STK39: variants seen among roughly 807,000 people sequenced by gnomAD.
STK39 encodes STE20/SPS1-related proline-alanine-rich protein kinase.
A neutral mutation model predicts 77.8 loss-of-function variants in STK39; 20 were observed. The observed-to-expected ratio is 0.26, with a 90% CI of 0.18 to 0.37. The LOEUF is 0.37. STK39 is among the 10% of genes least tolerant of loss of function. STK39 has a pLI of 1.00. For synonymous variants in STK39, 246 were observed against 234.1 expected, an observed-to-expected ratio of 1.05 and a Z score of -0.47; for missense variants, 479 against 656.5, an observed-to-expected ratio of 0.73 and a Z score of 2.95.
chr2:168,089,336 G>A (rs555544593), intron 10 of STK39, among the ~76,000 whole-genome samples: 6 of 152,168 alleles, frequency 3.9e-5, no homozygotes, highest in Non-Finnish European at 8.8e-5. Flanking sequence ...AGTCAAAACA[G>A]AAGTATCTAA....
intron 10 of STK39, among the ~76,000 whole-genome samples, chr2:168,088,443 T>C (rs890824796): frequency 2.0e-5 from 3 of 152,236 alleles, no homozygotes; most frequent in Admixed American, 1.3e-4. Context: ...ATACATGATA[T>C]GCCTCTTCCA....
At chr2:168,120,934 G>A (rs1206531477) in intron 10 of STK39, among the ~76,000 whole-genome samples, 1 of 152,150 alleles carries the variant, frequency 6.6e-6, no homozygotes, top group African/African-American at 2.4e-5. Context: ...AAACTTCCCA[G>A]ATTCCTGCAA....
chr2:168,098,305 A>T (rs4667556), intron 10 of STK39, among the ~76,000 whole-genome samples: 4 of 152,058 alleles, frequency 2.6e-5, no homozygotes, highest in Non-Finnish European at 5.9e-5. Context: ...CAGCACAATC[A>T]TTTTATACTA....
chr2:168,174,794 C>T (rs1407779826), intron 2 of STK39, among the ~76,000 whole-genome samples: 1 of 144,012 alleles, frequency 6.9e-6, no homozygotes, highest in Non-Finnish European at 1.5e-5. Flanking sequence ...CCCAGGAGTT[C>T]GAGGGCAGCC....
intron 5 of STK39, among the ~76,000 whole-genome samples, chr2:168,144,078 G>A (rs1182620537): frequency 6.6e-6 from 1 of 152,176 alleles, no homozygotes; most frequent in Non-Finnish European, 1.5e-5. Flanking sequence ...TCATGGTCTA[G>A]TTTTGATGTG....
At chr2:168,132,844 T>A (rs1401377316) in intron 8 of STK39, among the ~76,000 whole-genome samples, 7 of 152,168 alleles carry the variant, frequency 4.6e-5, no homozygotes, top group African/African-American at 7.2e-5. Flanking sequence ...TTCCAATACC[T>A]AGCACAGAAC....
intron 10 of STK39, among the ~76,000 whole-genome samples, chr2:168,113,991 T>C (rs13432160): frequency 0.38 from 57,722 of 152,140 alleles, 11,904 homozygotes; most frequent in South Asian, 0.53. Context: ...GATGCATTCA[T>C]TGTAACTGTT....
intron 1 of STK39, among the ~76,000 whole-genome samples, chr2:168,221,516 T>C (rs1014341587): frequency 3.9e-5 from 6 of 152,296 alleles, no homozygotes; most frequent in African/African-American, 1.4e-4. Flanking sequence ...ACAAGACAAC[T>C]AGTCCGCAAG....
chr2:168,149,386 T>C (rs541703204), intron 5 of STK39, among the ~76,000 whole-genome samples: 1 of 152,294 alleles, frequency 6.6e-6, no homozygotes, highest in African/African-American at 2.4e-5. Context: ...TGCTGCCCAA[T>C]CCCCACTGGC....
At chr2:167,987,914 T>C (rs1354910944) in intron 16 of STK39, among the ~76,000 whole-genome samples, 2 of 152,234 alleles carry the variant, frequency 1.3e-5, no homozygotes, top group African/African-American at 4.8e-5. Flanking sequence ...AGATTTACTA[T>C]GCAATTTATG....
intron 1 of STK39, among the ~76,000 whole-genome samples, chr2:168,193,665 C>T (rs925165215): frequency 2.6e-5 from 4 of 152,162 alleles, no homozygotes; most frequent in African/African-American, 4.8e-5. Context: ...AATGTTCCCT[C>T]CTTTAGTCTT....
At chr2:168,028,234 T>C (rs1684750170) in intron 14 of STK39, among the ~76,000 whole-genome samples, 2 of 152,204 alleles carry the variant, frequency 1.3e-5, no homozygotes, top group Non-Finnish European at 2.9e-5. Context: ...AATACACATG[T>C]GCCTACCATC....
intron 10 of STK39, among the ~76,000 whole-genome samples, chr2:168,080,518 T>C (rs1686201049): frequency 6.6e-6 from 1 of 151,984 alleles, no homozygotes; most frequent in Non-Finnish European, 1.5e-5. Context: ...TAGTCCCAGC[T>C]ACTCAGGAGG....
intron 1 of STK39, among the ~76,000 whole-genome samples, chr2:168,193,299 T>TC (rs968827514): frequency 4.3e-4 from 64 of 150,416 alleles, no homozygotes; most frequent in South Asian, 6.4e-4. Context: ...AAGTCTTTCT[T>TC]CCCCCCCCTC....
rs754000627 is a variant in STK39, at chr2:168,075,129, C to T, written c.1192G>A (p.Ala398Thr). ...TTTACCTTTTCCTGAGAAAAAGCTG[C>T]TTTCCCTTCTTCGCTCTTCTCATCC... is the stretch of plus-strand genomic sequence containing the variant. Reference protein sequence around the residue: ...EMDEKSEEGKAAFSQEKSRRV... With the variant: ...EMDEKSEEGKTAFSQEKSRRV... The change falls in exon 11 of 18, where the codon GCA (alanine) becomes ACA (threonine). Residue 398 changes from alanine to threonine, a missense_variant. Transcript: ENST00000355999. 3.1e-6 allele frequency: 5 copies of T among 1,614,060 alleles called. No homozygotes were observed. The African/African-American group carries it at 6.7e-5, about 22-fold the overall frequency.
At chr2:168,239,201 G>A (rs1031107112) in intron 1 of STK39, among the ~76,000 whole-genome samples, 1 of 152,154 alleles carries the variant, frequency 6.6e-6, no homozygotes, top group Non-Finnish European at 1.5e-5. Context: ...ACAGGAAGAG[G>A]CTCCACAGAA....
At chr2:168,210,074 G>GAAGAAAGA in intron 1 of STK39, among the ~76,000 whole-genome samples, 1 of 145,326 alleles carries the variant, frequency 6.9e-6, no homozygotes, top group African/African-American at 2.5e-5. Context: ...AGGAAGGAAG[G>GAAGAAAGA]AAGGAAGAAA....
intron 1 of STK39, among the ~76,000 whole-genome samples, chr2:168,204,456 T>C (rs1287490130): frequency 1.3e-5 from 2 of 152,190 alleles, no homozygotes; most frequent in Admixed American, 1.3e-4. Context: ...AAGAGTCAAG[T>C]TACAGACGAG....
intron 14 of STK39, among the ~76,000 whole-genome samples, chr2:168,049,594 T>C (rs1157168447): frequency 6.6e-6 from 1 of 152,220 alleles, no homozygotes; most frequent in East Asian, 1.9e-4. Flanking sequence ...TGGTTGTTTT[T>C]CATCTGTAAA....
Sources: gnomAD v4.1 joint callset for allele counts (sites outside exome capture counted in the v4.1 genomes callset) on GRCh38, gnomAD v4.1.1 for gene constraint, MANE v1.5 for transcripts, NCBI Gene and HGNC (gene_info 2026-07-23, HGNC 2026-07-21) for gene names.